ADD1: variants seen among roughly 807,000 people sequenced by gnomAD.
ADD1 encodes the protein adducin 1, also known as alpha-adducin.
Under a neutral mutation model 80.5 loss-of-function variants are expected in ADD1, and 24 were observed. The observed-to-expected ratio is 0.30, with a 90% CI of 0.22 to 0.42. The LOEUF (loss-of-function observed/expected upper bound fraction) is 0.42, where lower values mean the gene tolerates loss of function less well. ADD1 is among the 10% of genes least tolerant of loss of function. ADD1 has a pLI of 1.00. For missense variants in ADD1, 948 were observed against 1,019.0 expected (o/e 0.93, Z 0.95); for synonymous variants, 373 against 393.8 (o/e 0.95, Z 0.63).
At chr4:2,874,715 T>C (rs1730995410) in intron 1 of ADD1, among the ~76,000 whole-genome samples, 1 of 152,144 alleles carries the variant, frequency 6.6e-6, no homozygotes, top group Non-Finnish European at 1.5e-5. Context: ...AAAACACTAA[T>C]TTCTTCAACT....
intron 3 of ADD1, 94 bp downstream of exon 3, chr4:2,882,154 A>G (rs1408629757): frequency 2.6e-6 from 3 of 1,176,068 alleles, no homozygotes; most frequent in Non-Finnish European, 3.5e-6. Flanking sequence ...ATTTAACTGT[A>G]TAACATAACA....
intron 1 of ADD1, among the ~76,000 whole-genome samples, chr4:2,850,119 A>C (rs1241197131): frequency 6.6e-6 from 1 of 152,244 alleles, no homozygotes; most frequent in South Asian, 2.1e-4. Flanking sequence ...ACGATGGAAT[A>C]GTAGTTGGCA....
chr4:2,893,731 A>C (rs1306954455), intron 4 of ADD1, among the ~76,000 whole-genome samples: 1 of 152,158 alleles, frequency 6.6e-6, no homozygotes, highest in East Asian at 1.9e-4. Flanking sequence ...ACCCAGCAGT[A>C]ATTTATTGAC....
chr4:2,864,223 G>A (rs1729213249), intron 1 of ADD1, among the ~76,000 whole-genome samples: 1 of 152,144 alleles, frequency 6.6e-6, no homozygotes, highest in Admixed American at 6.6e-5. Flanking sequence ...GAACAGCCTG[G>A]GCGATACGGT....
intron 14 of ADD1, among the ~76,000 whole-genome samples, chr4:2,915,604 G>T (rs1005609466): frequency 1.3e-5 from 2 of 152,154 alleles, no homozygotes; most frequent in African/African-American, 2.4e-5. Context: ...TTGCACCACG[G>T]CACTCCAGCC....
intron 4 of ADD1, among the ~76,000 whole-genome samples, chr4:2,885,540 C>T (rs898050170): frequency 2.0e-5 from 3 of 152,216 alleles, no homozygotes; most frequent in African/African-American, 7.2e-5. Flanking sequence ...CTCTTGACCA[C>T]CTGTTATAAT....
intron 1 of ADD1, among the ~76,000 whole-genome samples, chr4:2,850,076 A>T (rs1319650975): frequency 6.6e-6 from 1 of 152,228 alleles, no homozygotes; most frequent in African/African-American, 2.4e-5. Context: ...TCCATCAGCT[A>T]ATGAGTGGAT....
intron 4 of ADD1, 74 bp downstream of exon 4, chr4:2,884,740 G>A (rs1432474033): frequency 6.9e-7 from 1 of 1,454,392 alleles, no homozygotes; most frequent in Non-Finnish European, 9.2e-7. Flanking sequence ...TTTCCATTTA[G>A]GAGAAGAGGG....
chr4:2,926,606 T>C lies in ADD1; in HGVS notation c.2047+494T>C, dbSNP rs372860290. 10 of 1,612,100 alleles carry C rather than the reference T, an allele frequency of 6.2e-6. No individual in the cohort carries two copies. Among genetic ancestry groups the C allele is most frequent in the Non-Finnish European group, 7.6e-6 (9 of 1,179,010 alleles). On this transcript the variant is annotated intron_variant, in intron 15 of 15. Coordinates refer to ENST00000683351, the MANE Select transcript of ADD1 (RefSeq NM_001354761.2). The surrounding 1 kb of genome is among the most constrained non-coding windows in gnomAD (Gnocchi z 5.0). The stretch of plus-strand genomic sequence containing the variant: ...TGACTGAATGCATAGATTCTCTCCT[T>C]GTGCTTTTTTCTCCCTGTGGCTGCG...
chr4:2,869,619 A>G (rs1354188011), intron 1 of ADD1, among the ~76,000 whole-genome samples: 1 of 152,108 alleles, frequency 6.6e-6, no homozygotes, highest in African/African-American at 2.4e-5. Context: ...CCTCCCACTC[A>G]TGGACACTTT....
At chr4:2,847,292 A>G (rs541512879) in intron 1 of ADD1, among the ~76,000 whole-genome samples, 63 of 151,796 alleles carry the variant, frequency 4.2e-4, no homozygotes, top group Admixed American at 1.8e-3. Context: ...ATGGTGGTGC[A>G]TGCCTGTAAT....
chr4:2,927,192 A>AT (rs1176715255), intron 15 of ADD1, among the ~76,000 whole-genome samples: 2 of 152,206 alleles, frequency 1.3e-5, no homozygotes, highest in African/African-American at 4.8e-5. Context: ...CCGTCCTAGC[A>AT]TCAGCCACAC....
rs1318772575 is a variant in ADD1 at position 2,929,766 on chromosome 4, GC to G, written c.*1245del. 1.3e-5 allele frequency: 2 copies of G among 152,494 alleles called. No homozygotes were observed. Among genetic ancestry groups the G allele is most frequent in the African/African-American group, 2.4e-5 (1 of 41,476 alleles). The allele number at this position is 152,494 out of a possible 1,614,324, so 9.4% of individuals were successfully genotyped here. On this transcript the variant is annotated 3_prime_UTR_variant, in exon 16 of 16. Coordinates refer to ENST00000683351, the MANE Select transcript of ADD1 (RefSeq NM_001354761.2). ...ACCAGGCTGCTGCATGGCACTGACC[GC>G]CGCTTCCAGCTTCCTCTGAGCCGCA...
chr4:2,856,042 A>T (rs1485139183), intron 1 of ADD1, among the ~76,000 whole-genome samples: 1 of 93,664 alleles, frequency 1.1e-5, no homozygotes, highest in Non-Finnish European at 2.0e-5. Flanking sequence ...ATTATTTCAC[A>T]CAAGTTCTTT....
chr4:2,864,288 C>T (rs1007724789), intron 1 of ADD1, among the ~76,000 whole-genome samples: 1 of 152,104 alleles, frequency 6.6e-6, no homozygotes, highest in Non-Finnish European at 1.5e-5. Flanking sequence ...TGGCGTGTGC[C>T]CGTAGTCCCA....
At chr4:2,876,660 A>C (rs1158283664) in intron 2 of ADD1, among the ~76,000 whole-genome samples, 1 of 151,868 alleles carries the variant, frequency 6.6e-6, no homozygotes, top group South Asian at 2.1e-4. Flanking sequence ...CACGGTGAAA[A>C]CCCATCTCTA....
Position 2,926,893 on chromosome 4 carries a change from G to A in ADD1, c.2047+781G>A, listed in dbSNP as rs1711805699. Among the ~76,000 whole-genome samples, 1 of 152,230 alleles carries A rather than the reference G, an allele frequency of 6.6e-6. No individual in the cohort carries two copies. Among genetic ancestry groups the A allele is most frequent in the South Asian group, 2.1e-4 (1 of 4,834 alleles). ...GGCAGCGGGTACCTCCACGCACCTAGGTGCCATGGAGCACTCTGGGCCTCA... is the reference window on the plus strand; with the variant it reads ...GGCAGCGGGTACCTCCACGCACCTAAGTGCCATGGAGCACTCTGGGCCTCA... On this transcript the variant is annotated intron_variant, in intron 15 of 15. Coordinates refer to ENST00000683351, the MANE Select transcript of ADD1 (RefSeq NM_001354761.2). This position sits in a 1 kb window ranked among gnomAD's most constrained non-coding sequence, Gnocchi z 5.0.
Position 2,908,768 on chromosome 4 carries a change from G to C in ADD1, c.1698+164G>C, listed in dbSNP as rs35987080. 3.0e-3 allele frequency: 1,978 copies of C among 652,072 alleles called. 33 individuals are homozygous for C. The African/African-American group carries it at 0.031, about 10-fold the overall frequency. The allele number at this position is 652,072 out of a possible 1,614,324, so 40.4% of individuals were successfully genotyped here. A position where few individuals can be genotyped will look rare whatever the true frequency, so the allele number is the denominator to read the frequency against. On this transcript the variant is annotated intron_variant, in intron 12 of 15. Coordinates refer to ENST00000683351, the MANE Select transcript of ADD1 (RefSeq NM_001354761.2). ...ATGAGAAACGGTTCAGGCACTTTTC[G>C]TTGAGTTCTAGAAGGAGCGAGCATG...
At chr4:2,878,813 A>C (rs568487783) in intron 2 of ADD1, among the ~76,000 whole-genome samples, 1 of 152,272 alleles carries the variant, frequency 6.6e-6, no homozygotes, top group African/African-American at 2.4e-5. Flanking sequence ...AGATGTTAGC[A>C]AGAAAGGGAT....
Sources: allele counts gnomAD v4.1 joint callset (sites outside exome capture counted in the v4.1 genomes callset), GRCh38; gene constraint gnomAD v4.1.1; non-coding constraint Gnocchi (gnomAD v3.1); transcripts MANE v1.5; gene names NCBI Gene and HGNC (gene_info 2026-07-23, HGNC 2026-07-21).